TXNDC9: variants seen among roughly 807,000 people sequenced by gnomAD.
TXNDC9 encodes the protein thioredoxin domain containing 9.
TXNDC9 carries 7 observed loss-of-function variants against 23.0 expected under a neutral mutation model. The ratio of observed to expected loss-of-function variants is 0.30; its 90% confidence interval spans 0.17 to 0.57. The LOEUF (loss-of-function observed/expected upper bound fraction) is 0.57, where lower values mean the gene tolerates loss of function less well. TXNDC9 is among the 20% of genes least tolerant of loss of function. TXNDC9 has a pLI of 0.90. For synonymous variants in TXNDC9, 72 were observed against 90.6 expected (o/e 0.79, Z 1.17); for missense variants, 198 against 252.6 (o/e 0.78, Z 1.47).
the TXNDC9 span, among the ~76,000 whole-genome samples, chr2:99,313,031 G>A: frequency 2.6e-5 from 4 of 151,802 alleles, no homozygotes; most frequent in East Asian, 1.9e-4. Flanking sequence ...GTGTGGTGAC[G>A]CATGCCTGTA....
At chr2:99,314,435 A>C (rs887226009), downstream of TXNDC9, among the ~76,000 whole-genome samples, 1 of 150,612 alleles carries the variant, frequency 6.6e-6, no homozygotes, top group South Asian at 2.1e-4. Context: ...AACTATTTAT[A>C]TAGCATTTAC....
intron 3 of TXNDC9, among the ~76,000 whole-genome samples, chr2:99,326,555 T>A (rs888738281): frequency 6.6e-6 from 1 of 152,220 alleles, no homozygotes; most frequent in African/African-American, 2.4e-5. Context: ...TCTCTCGATT[T>A]TTAAGTGTTG....
downstream of TXNDC9, among the ~76,000 whole-genome samples, chr2:99,314,348 A>T (rs186197274): frequency 9.5e-4 from 144 of 152,230 alleles, no homozygotes; most frequent in African/African-American, 3.4e-3. Flanking sequence ...AGAAAAGGAA[A>T]AATATCTGGC....
At chr2:99,330,369 G>A (rs2094222004) in intron 2 of TXNDC9, among the ~76,000 whole-genome samples, 1 of 142,226 alleles carries the variant, frequency 7.0e-6, no homozygotes, top group African/African-American at 2.6e-5. Context: ...CCAAGAGGCT[G>A]AAGACCCGAA....
chr2:99,319,723 T>G lies in TXNDC9; in HGVS notation c.640A>C (p.Ile214Leu), dbSNP rs112655571. The G allele has an allele frequency of 2.1e-5, 33 of 1,606,948 alleles. No homozygotes were observed. The African/African-American group carries it at 3.6e-4, about 18-fold the overall frequency. Residue 214 changes from isoleucine to leucine, a missense_variant, in exon 5 of 5, where the codon ATC becomes CTC. Physicochemically the swap from Ile to Leu is conservative, Grantham distance 5. Coordinates refer to ENST00000264255, the MANE Select transcript of TXNDC9 (RefSeq NM_005783.4). ...TNFTKLEKKT[I>L]RGKKYDSDSD... ...TCTGAATCATATTTCTTTCCTCGGA[T>G]AGTTTTCTTTTCCAGCTTTGTGAAG... is the stretch of plus-strand genomic sequence containing the variant.
downstream of TXNDC9, among the ~76,000 whole-genome samples, chr2:99,316,812 A>C (rs1043772201): frequency 6.6e-6 from 1 of 152,078 alleles, no homozygotes; most frequent in Non-Finnish European, 1.5e-5. Context: ...GCTGGAGTGC[A>C]GTGGCGCAAT....
the TXNDC9 span, among the ~76,000 whole-genome samples, chr2:99,310,151 C>G: frequency 0.38 from 58,096 of 152,174 alleles, 11,943 homozygotes; most frequent in East Asian, 0.64. Flanking sequence ...GTAAATGTTA[C>G]TTGTTAACTA....
chr2:99,328,500 G>A (rs2094217996), intron 2 of TXNDC9, among the ~76,000 whole-genome samples: 1 of 152,026 alleles, frequency 6.6e-6, no homozygotes, highest in Non-Finnish European at 1.5e-5. Context: ...CCACAGCATG[G>A]CCTGGGTTCA....
At chr2:99,311,000 A>G in the TXNDC9 span, among the ~76,000 whole-genome samples, 1 of 151,820 alleles carries the variant, frequency 6.6e-6, no homozygotes, top group Non-Finnish European at 1.5e-5. Flanking sequence ...TTTACTTAAG[A>G]GATTCACCCT....
intron 3 of TXNDC9, among the ~76,000 whole-genome samples, chr2:99,324,691 A>G (rs904217190): frequency 2.6e-5 from 4 of 152,178 alleles, no homozygotes; most frequent in Non-Finnish European, 4.4e-5. Context: ...CTCCTGGCTC[A>G]GCCTCCTAAG....
In TXNDC9 at chr2:99,326,023, A is replaced by C. The variant is rs547402281; in HGVS notation, c.308+1512T>G. Among the ~76,000 whole-genome samples the C allele has an allele frequency of 1.6e-4, 24 of 152,146 alleles. No homozygotes were observed. The East Asian group carries it at 3.1e-3, about 20-fold the overall frequency. On this transcript the variant is annotated intron_variant, in intron 3 of 4. Transcript: ENST00000264255. Reference sequence around the variant, plus strand: ...AAGACTCTGTCTCAAAAACAAAAAAAAACAACAAAAAAAAAACAAGTGGAC... The same window carrying C: ...AAGACTCTGTCTCAAAAACAAAAAACAACAACAAAAAAAAAACAAGTGGAC...
At chr2:99,308,146 T>A in the TXNDC9 span, among the ~76,000 whole-genome samples, 2 of 152,166 alleles carry the variant, frequency 1.3e-5, no homozygotes, top group African/African-American at 4.8e-5. Flanking sequence ...CCTGGAGTTC[T>A]GAACTCTCAA....
chr2:99,325,092 C>T (rs2094210205), intron 3 of TXNDC9, among the ~76,000 whole-genome samples: 1 of 152,122 alleles, frequency 6.6e-6, no homozygotes, highest in African/African-American at 2.4e-5. Context: ...GTATAAATAG[C>T]TATAGGCCTT....
At chr2:99,312,154 C>A in the TXNDC9 span, among the ~76,000 whole-genome samples, 1 of 152,074 alleles carries the variant, frequency 6.6e-6, no homozygotes, top group Non-Finnish European at 1.5e-5. Flanking sequence ...GCAGGAAGAG[C>A]CTTGGTTCCC....
the TXNDC9 span, among the ~76,000 whole-genome samples, chr2:99,313,026 G>C: frequency 6.6e-6 from 1 of 151,940 alleles, no homozygotes; most frequent in Non-Finnish European, 1.5e-5. Context: ...GCCGGGTGTG[G>C]TGACGCATGC....
chr2:99,316,432 G>C (rs976640700), downstream of TXNDC9, among the ~76,000 whole-genome samples: 1 of 152,132 alleles, frequency 6.6e-6, no homozygotes, highest in Admixed American at 6.5e-5. Flanking sequence ...AAGCTCCAAA[G>C]CGCTGGGATT....
downstream of TXNDC9, among the ~76,000 whole-genome samples, chr2:99,318,764 G>C (rs891892770): frequency 6.6e-6 from 1 of 152,194 alleles, no homozygotes; most frequent in African/African-American, 2.4e-5. Context: ...TGCTGTAAGT[G>C]GGGACTAGGT....
At chr2:99,326,667 G>C (rs1458677151) in intron 3 of TXNDC9, among the ~76,000 whole-genome samples, 1 of 152,194 alleles carries the variant, frequency 6.6e-6, no homozygotes, top group East Asian at 1.9e-4. Context: ...TAAGAGATCT[G>C]CTTCCTTAGA....
chr2:99,331,939 A>G (rs1271044520), intron 2 of TXNDC9, among the ~76,000 whole-genome samples: 5 of 152,048 alleles, frequency 3.3e-5, no homozygotes, highest in African/African-American at 1.2e-4. Flanking sequence ...CATGTTGGCC[A>G]GGCTGGTATT....
Sources: allele counts gnomAD v4.1 joint callset (sites outside exome capture counted in the v4.1 genomes callset), GRCh38; gene constraint gnomAD v4.1.1; transcripts MANE v1.5; gene names NCBI Gene and HGNC (gene_info 2026-07-23, HGNC 2026-07-21).